Variants in FOXN3 observed in about 807,000 individuals in gnomAD.
The protein encoded by FOXN3 is forkhead box N3.
FOXN3 carries 7 observed loss-of-function variants against 38.4 expected under a neutral mutation model. That is an observed-to-expected ratio of 0.18 (90% CI 0.10 to 0.34). The LOEUF is 0.34. Among genes scored for constraint, FOXN3 ranks in the 10% least tolerant of loss-of-function variants. The probability of loss-of-function intolerance (pLI) is 1.00; values close to 1 mark genes in which losing one functional copy is unlikely to be tolerated. For missense variants in FOXN3, 456 were observed against 613.4 expected, an observed-to-expected ratio of 0.74 and a Z score of 2.71; for synonymous variants, 230 against 242.2, an observed-to-expected ratio of 0.95 and a Z score of 0.47.
intron 2 of FOXN3, among the ~76,000 whole-genome samples, chr14:89,377,017 T>C (rs1323080665): frequency 4.0e-5 from 1 of 24,780 alleles, no homozygotes; most frequent in Non-Finnish European, 8.3e-5. Flanking sequence ...CAAGACTCTG[T>C]CTCAAAAAAA....
intron 1 of FOXN3, among the ~76,000 whole-genome samples, chr14:89,461,940 A>C (rs995849604): frequency 1.3e-5 from 2 of 152,236 alleles, no homozygotes; most frequent in African/African-American, 4.8e-5. Flanking sequence ...GGGTCTTGGC[A>C]GTGCATACGA....
chr14:89,474,822 T>C (rs1180989985), intron 1 of FOXN3, among the ~76,000 whole-genome samples: 1 of 151,894 alleles, frequency 6.6e-6, no homozygotes, highest in Non-Finnish European at 1.5e-5. Context: ...TTTATTATTA[T>C]TATTTTTTCT....
intron 1 of FOXN3, among the ~76,000 whole-genome samples, chr14:89,529,586 T>G (rs1894511457): frequency 6.6e-6 from 1 of 152,236 alleles, no homozygotes; most frequent in African/African-American, 2.4e-5. Flanking sequence ...CCTAAGAATT[T>G]CAAATGTTTA....
At position 89,163,004 on chromosome 14, in the gene FOXN3, C is replaced by A. The variant is rs890916639; in HGVS notation, c.852-35G>T. 12 of 1,503,712 alleles carry A rather than the reference C, an allele frequency of 8.0e-6. No individual in the cohort carries two copies. Among genetic ancestry groups the A allele is most frequent in the African/African-American group, 1.4e-5 (1 of 72,048 alleles). 93.1% of individuals were successfully genotyped at this position (1,503,712 alleles called of 1,614,324 possible). A position where few individuals can be genotyped will look rare whatever the true frequency, so the allele number is the denominator to read the frequency against. The stretch of plus-strand genomic sequence containing the variant: ...GAGGACAGTGGGGAGGGACGGGAGA[C>A]AAAGAAGGGACACAGTTAGACGTCC... On this transcript the variant is annotated intron_variant, in intron 5 of 5. Transcript: ENST00000557258. This position sits in a 1 kb window ranked among gnomAD's most constrained non-coding sequence, Gnocchi z 4.3.
chr14:89,493,322 G>A (rs970961960), intron 1 of FOXN3, among the ~76,000 whole-genome samples: 3 of 152,158 alleles, frequency 2.0e-5, no homozygotes, highest in South Asian at 4.2e-4. Context: ...CAATCATAAC[G>A]TGCACATTGA....
chr14:89,342,190 G>A (rs1249408312), intron 3 of FOXN3, among the ~76,000 whole-genome samples: 4 of 152,180 alleles, frequency 2.6e-5, no homozygotes, highest in Admixed American at 6.5e-5. Context: ...TCTCAGTCAC[G>A]AGTTTGACTC....
chr14:89,200,545 C>T (rs1888210710), intron 4 of FOXN3, among the ~76,000 whole-genome samples: 1 of 152,212 alleles, frequency 6.6e-6, no homozygotes, highest in South Asian at 2.1e-4. Flanking sequence ...CCCTGCTGCT[C>T]CTCTGCTGGA....
intron 1 of FOXN3, among the ~76,000 whole-genome samples, chr14:89,432,511 C>T (rs933506764): frequency 1.3e-5 from 2 of 152,180 alleles, no homozygotes; most frequent in African/African-American, 2.4e-5. Flanking sequence ...TCCATCTTTC[C>T]ACCACCCTTA....
At chr14:89,199,279 A>T (rs1566927281) in intron 4 of FOXN3, among the ~76,000 whole-genome samples, 1 of 152,206 alleles carries the variant, frequency 6.6e-6, no homozygotes, top group African/African-American at 2.4e-5. Flanking sequence ...CAGGAGACAA[A>T]GTGACGCCAG....
intron 3 of FOXN3, among the ~76,000 whole-genome samples, chr14:89,335,221 A>C (rs377546725): frequency 1.3e-5 from 2 of 152,174 alleles, no homozygotes; most frequent in South Asian, 4.1e-4. Flanking sequence ...AATATCCACA[A>C]TTTTTATTCA....
At chr14:89,585,491 T>A (rs1332892469) in intron 1 of FOXN3, among the ~76,000 whole-genome samples, 1 of 152,176 alleles carries the variant, frequency 6.6e-6, no homozygotes, top group Non-Finnish European at 1.5e-5. Context: ...GAGGTTTACT[T>A]TACCCAAATT....
At chr14:89,478,931 C>CA (rs59945805) in intron 1 of FOXN3, among the ~76,000 whole-genome samples, 16 of 54,204 alleles carry the variant, frequency 3.0e-4, no homozygotes, top group East Asian at 1.8e-3. Context: ...GACTCCATCT[C>CA]AAAAAAAAAA....
intron 3 of FOXN3, among the ~76,000 whole-genome samples, chr14:89,284,269 T>A (rs1283598000): frequency 6.6e-6 from 1 of 151,956 alleles, no homozygotes; most frequent in African/African-American, 2.4e-5. Context: ...CCTTGCCTCA[T>A]CCTCCCAAAG....
intron 3 of FOXN3, among the ~76,000 whole-genome samples, chr14:89,313,578 A>T (rs1887633859): frequency 9.7e-6 from 1 of 103,382 alleles, no homozygotes; most frequent in South Asian, 3.1e-4. Flanking sequence ...AAAAGAATTG[A>T]CAAGAGACGA....
intron 1 of FOXN3, among the ~76,000 whole-genome samples, chr14:89,556,804 G>A (rs1331297037): frequency 6.6e-6 from 1 of 152,222 alleles, no homozygotes. Flanking sequence ...TGGTCTACCA[G>A]AGAAGGGCTG....
At chr14:89,427,353 T>C (rs1262257080) in intron 1 of FOXN3, among the ~76,000 whole-genome samples, 2 of 119,614 alleles carry the variant, frequency 1.7e-5, no homozygotes, top group East Asian at 2.7e-4. Flanking sequence ...TTGCCCAGAC[T>C]AGAGTGCAGT....
intron 1 of FOXN3, among the ~76,000 whole-genome samples, chr14:89,542,697 A>C (rs1894814994): frequency 6.6e-6 from 1 of 152,112 alleles, no homozygotes; most frequent in South Asian, 2.1e-4. Context: ...TATTAAGGAG[A>C]TTTATAATTT....
At chr14:89,185,285 C>T (rs1008982185) in intron 4 of FOXN3, among the ~76,000 whole-genome samples, 4 of 152,294 alleles carry the variant, frequency 2.6e-5, no homozygotes, top group Middle Eastern at 3.4e-3. Context: ...CCTTTCTGTC[C>T]CCATCCCCAA....
At chr14:89,204,397 C>T (rs181681519) in intron 4 of FOXN3, among the ~76,000 whole-genome samples, 39 of 152,258 alleles carry the variant, frequency 2.6e-4, no homozygotes, top group African/African-American at 9.2e-4. Context: ...TCATGGGCAC[C>T]GAGCTCTGTC....
Sources: allele counts gnomAD v4.1 joint callset (sites outside exome capture counted in the v4.1 genomes callset), GRCh38; gene constraint gnomAD v4.1.1; non-coding constraint Gnocchi (gnomAD v3.1); transcripts MANE v1.5; gene names NCBI Gene and HGNC (gene_info 2026-07-23, HGNC 2026-07-21).